MAP2: variants seen among roughly 807,000 people sequenced by gnomAD.
The protein encoded by MAP2 is microtubule-associated protein 2.
Under a neutral mutation model 137.6 loss-of-function variants are expected in MAP2, and 14 were observed. The ratio of observed to expected loss-of-function variants is 0.10; its 90% CI spans 0.07 to 0.16. The LOEUF (loss-of-function observed/expected upper bound fraction) is 0.16, where lower values mean the gene tolerates loss of function less well. Ranked by LOEUF, MAP2 falls within the 10% of genes least tolerant of loss-of-function variation. The probability of loss-of-function intolerance (pLI) is 1.00; values close to 1 mark genes in which losing one functional copy is unlikely to be tolerated. For synonymous variants in MAP2, 786 were observed against 782.3 expected, an observed-to-expected ratio of 1.00 and a Z score of -0.08; for missense variants, 2,088 against 2,191.5, an observed-to-expected ratio of 0.95 and a Z score of 0.94.
intron 1 of MAP2, among the ~76,000 whole-genome samples, chr2:209,491,552 C>A (rs1469077713): frequency 6.6e-6 from 1 of 151,968 alleles, no homozygotes. Flanking sequence ...AGACCACTAG[C>A]CAGACCAATA....
rs937445538 is a variant in MAP2 at position 209,653,363 on chromosome 2, G to A, written c.193G>A (p.Gly65Ser). 3 of 1,613,854 alleles carry A rather than the reference G, an allele frequency of 1.9e-6. No individual in the cohort carries two copies. Among genetic ancestry groups the A allele is most frequent in the Admixed American group, 1.7e-5 (1 of 59,982 alleles). Reference sequence around the variant, plus strand: ...TGCCTTTGGAGAGCATGGGTCACAGGGCACCTATTCAAATACCAAAGAGAA... The same window carrying A: ...TGCCTTTGGAGAGCATGGGTCACAGAGCACCTATTCAAATACCAAAGAGAA... Reference protein sequence around the residue: ...EGAFGEHGSQGTYSNTKENGI... With the variant: ...EGAFGEHGSQSTYSNTKENGI... Residue 65 changes from glycine to serine, a missense_variant, in exon 5 of 16, where the codon GGC becomes AGC. Physicochemically the swap from Gly to Ser is moderately conservative, Grantham distance 56. Around this residue, in one of 6 missense-constraint regions of MAP2, gnomAD observed 859 missense variants for 794.5 expected, o/e 1.08. Coordinates refer to ENST00000682079, the MANE Select transcript of MAP2 (RefSeq NM_001375505.1).
At chr2:209,654,939 C>T (rs1333659805) in intron 5 of MAP2, among the ~76,000 whole-genome samples, 1 of 152,132 alleles carries the variant, frequency 6.6e-6, no homozygotes, top group Non-Finnish European at 1.5e-5. Flanking sequence ...GTCCCTTGGG[C>T]TCTCGCCAGT....
At chr2:209,497,380 C>T (rs74821590) in intron 1 of MAP2, among the ~76,000 whole-genome samples, 3,464 of 152,210 alleles carry the variant, frequency 0.023, 124 homozygotes, top group African/African-American at 0.078. Flanking sequence ...ATATAGCCCT[C>T]GCCAGAACCT....
intron 2 of MAP2, among the ~76,000 whole-genome samples, chr2:209,531,703 A>T (rs1430626631): frequency 2.0e-5 from 3 of 152,222 alleles, no homozygotes; most frequent in Non-Finnish European, 4.4e-5. Context: ...TGTAATATAT[A>T]GATTGCTGAT....
At chr2:209,626,062 T>G (rs534927818) in intron 4 of MAP2, among the ~76,000 whole-genome samples, 2 of 152,162 alleles carry the variant, frequency 1.3e-5, no homozygotes, top group African/African-American at 2.4e-5. Context: ...GTATTCACTT[T>G]CTTGTTTTTA....
chr2:209,434,503 A>G (rs1032076730), intron 1 of MAP2, among the ~76,000 whole-genome samples: 1 of 151,602 alleles, frequency 6.6e-6, no homozygotes, highest in Non-Finnish European at 1.5e-5. Context: ...TTAATGTGGA[A>G]CCATTTGATA....
rs16843618 is a variant in MAP2 at position 209,731,096 on chromosome 2, G to C, written c.*699G>C. On this transcript the variant is annotated 3_prime_UTR_variant, in exon 16 of 16. Coordinates refer to ENST00000682079, the MANE Select transcript of MAP2 (RefSeq NM_001375505.1). ...GGACTCGTGTCTGATTAGAATGTCA[G>C]TTGATCAGCTAGATTTGTGTCCACA... is the stretch of plus-strand genomic sequence containing the variant. 0.12 allele frequency: 18,156 copies of C among 152,486 alleles called. 1,401 individuals carry two copies. The highest frequency in any genetic ancestry group is 0.23 in the East Asian group (1,163 of 5,168). 9.4% of individuals were successfully genotyped at this position (152,486 alleles called of 1,614,324 possible). A position where few individuals can be genotyped will look rare whatever the true frequency, so the allele number is the denominator to read the frequency against.
chr2:209,565,806 A>G (rs2073279187), intron 2 of MAP2, among the ~76,000 whole-genome samples: 1 of 152,134 alleles, frequency 6.6e-6, no homozygotes, highest in Non-Finnish European at 1.5e-5. Context: ...TGAAATATTA[A>G]CTCTTAATAC....
chr2:209,556,662 TA>T (rs111264428), intron 2 of MAP2, among the ~76,000 whole-genome samples: 28,884 of 108,276 alleles, frequency 0.27, 4,895 homozygotes, highest in African/African-American at 0.51. Flanking sequence ...TCTGGCCTAT[TA>T]AAAAAAAAAA....
At position 209,730,241 on chromosome 2, in the gene MAP2, T is replaced by C; in HGVS notation, c.5328T>C (p.Ala1776=). 1 of 1,614,032 alleles carries C rather than the reference T, an allele frequency of 6.2e-7. No homozygotes were observed. The highest frequency in any genetic ancestry group is 8.5e-7 in the Non-Finnish European group (1 of 1,179,948). ...EHAKARVDHG[A]EIITQSPGRS... ...CTAAAGCCCGTGTGGACCATGGGGCTGAGATCATTACACAGTCCCCAGGCA... is the reference window on the plus strand; with the variant it reads ...CTAAAGCCCGTGTGGACCATGGGGCCGAGATCATTACACAGTCCCCAGGCA... The change falls in exon 16 of 16, where the codon GCT becomes GCC. Residue 1776 remains alanine, a synonymous_variant. Transcript: ENST00000682079.
In MAP2 at chr2:209,695,050, G is replaced by A; in HGVS notation, c.2880G>A (p.Leu960=). The part of the protein sequence containing the change: ...FDQEKKANDR[L]DTVLEKSEEH... ...AAGAGAAGAAAGCTAATGATAGGTT[G>A]GATACTGTACTAGAAAAGAGTGAAG... Residue 960 remains leucine, a synonymous_variant, in exon 8 of 16, where the codon TTG becomes TTA. Coordinates refer to ENST00000682079, the MANE Select transcript of MAP2 (RefSeq NM_001375505.1). 4.3e-6 allele frequency: 7 copies of A among 1,614,086 alleles called. No homozygotes were observed. Among genetic ancestry groups the A allele is most frequent in the Non-Finnish European group, 5.9e-6 (7 of 1,180,022 alleles).
At chr2:209,439,080 A>G (rs1697101709) in intron 1 of MAP2, among the ~76,000 whole-genome samples, 1 of 151,452 alleles carries the variant, frequency 6.6e-6, no homozygotes, top group Non-Finnish European at 1.5e-5. Context: ...GAACAGTGTA[A>G]TGCCTCCTCA....
chr2:209,449,429 A>G (rs970152985), intron 1 of MAP2, among the ~76,000 whole-genome samples: 4 of 152,158 alleles, frequency 2.6e-5, no homozygotes, highest in Non-Finnish European at 5.9e-5. Flanking sequence ...TTCCATGTCC[A>G]TAGTCTATAC....
chr2:209,544,187 C>A (rs2067569189), intron 2 of MAP2, among the ~76,000 whole-genome samples: 1 of 151,702 alleles, frequency 6.6e-6, no homozygotes, highest in Non-Finnish European at 1.5e-5. Context: ...GAGCTGAGAT[C>A]ACACCACTGC....
In MAP2 at chr2:209,695,743, T is replaced by C; in HGVS notation, c.3573T>C (p.Asp1191=). The C allele has an allele frequency of 6.2e-7, 1 of 1,614,040 alleles. No individual in the cohort carries two copies. The highest frequency in any genetic ancestry group is 1.3e-5 in the African/African-American group (1 of 75,048). ...EADLATDERA[D]VQMEFIQGPK... is the part of the protein sequence containing the mutation. ...ATTTAGCCACAGATGAGAGAGCTGA[T>C]GTCCAGATGGAATTTATTCAGGGGC... Residue 1191 remains aspartate (D), a synonymous_variant, in exon 8 of 16, where the codon GAT becomes GAC. Coordinates refer to ENST00000682079, the MANE Select transcript of MAP2 (RefSeq NM_001375505.1).
chr2:209,590,876 C>A (rs1251672391), intron 3 of MAP2, among the ~76,000 whole-genome samples: 1 of 152,164 alleles, frequency 6.6e-6, no homozygotes, highest in East Asian at 1.9e-4. Flanking sequence ...TTCACTCCAC[C>A]TGCTACTGTC....
intron 1 of MAP2, among the ~76,000 whole-genome samples, chr2:209,466,094 A>G (rs1272014967): frequency 6.6e-6 from 1 of 152,190 alleles, no homozygotes; most frequent in East Asian, 1.9e-4. Context: ...TTAAAGTCCC[A>G]TGAGACTACT....
chr2:209,617,988 GA>G (rs546147027), intron 3 of MAP2, among the ~76,000 whole-genome samples: 37 of 149,272 alleles, frequency 2.5e-4, no homozygotes, highest in South Asian at 4.2e-4. Context: ...TTGAAATAAA[GA>G]AAAAAAAAGG....
rs559609066 is a variant in MAP2 at position 209,561,547 on chromosome 2, C to T, written c.-171-18489C>T. 5.3e-5 allele frequency among the ~76,000 whole-genome samples: 8 copies of T among 152,302 alleles called. No homozygotes were observed. In the South Asian group the frequency reaches 1.7e-3, roughly 32 times the overall value. ...CTATAAAATGGAGGTAATAAGAGGACATTCCTCATAAGGTCTGATTATTAT... is the reference window on the plus strand; with the variant it reads ...CTATAAAATGGAGGTAATAAGAGGATATTCCTCATAAGGTCTGATTATTAT... On this transcript the variant is annotated intron_variant, in intron 2 of 15. Transcript: ENST00000682079.
Sources: gnomAD v4.1 joint callset for allele counts (sites outside exome capture counted in the v4.1 genomes callset) on GRCh38, gnomAD v4.1.1 for gene constraint, gnomAD v4.1.1 regional missense constraint, MANE v1.5 for transcripts, NCBI Gene and HGNC (gene_info 2026-07-23, HGNC 2026-07-21) for gene names.